TNIP3: variants seen among roughly 807,000 people sequenced by gnomAD.
TNIP3 encodes the protein TNFAIP3-interacting protein 3.
A neutral mutation model predicts 54.1 loss-of-function variants in TNIP3; 34 were observed. The ratio of observed to expected loss-of-function variants is 0.63; its 90% CI spans 0.48 to 0.84. The LOEUF (loss-of-function observed/expected upper bound fraction) is 0.84, where lower values mean the gene tolerates loss of function less well. Ranked by LOEUF, TNIP3 falls within the 40% of genes least tolerant of loss-of-function variation. The probability of loss-of-function intolerance (pLI) is 0.00; values close to 1 mark genes in which losing one functional copy is unlikely to be tolerated. For missense variants in TNIP3, 366 were observed against 387.6 expected (o/e 0.94, Z 0.47); for synonymous variants, 134 against 136.8 (o/e 0.98, Z 0.14).
intron 2 of TNIP3, among the ~76,000 whole-genome samples, chr4:121,202,798 A>G (rs1725965606): frequency 6.6e-6 from 1 of 152,198 alleles, no homozygotes; most frequent in African/African-American, 2.4e-5. Context: ...AAAAGAAGAT[A>G]TAAAAATGAC....
chr4:121,134,956 C>T (rs2148791658), intron 10 of TNIP3, among the ~76,000 whole-genome samples: 1 of 152,312 alleles, frequency 6.6e-6, no homozygotes, highest in East Asian at 1.9e-4. Context: ...AGCCTGAAGG[C>T]TGTCGAAAGA....
upstream of TNIP3, among the ~76,000 whole-genome samples, chr4:121,219,076 T>C (rs113566174): frequency 0.059 from 8,908 of 152,134 alleles, 385 homozygotes; most frequent in South Asian, 0.22. Flanking sequence ...GGTGTGCACC[T>C]GTAATCCCAG....
exon 3 of TNIP3, chr4:121,182,726 G>T (rs774165746): frequency 6.5e-7 from 1 of 1,534,016 alleles, no homozygotes; most frequent in African/African-American, 1.4e-5. Flanking sequence ...GGGGTGAACC[G>T]TTTTGGATGA....
At chr4:121,146,274 A>G (rs1729425416) in intron 7 of TNIP3, among the ~76,000 whole-genome samples, 2 of 152,214 alleles carry the variant, frequency 1.3e-5, no homozygotes, top group Admixed American at 1.3e-4. Flanking sequence ...GAAGAAAATG[A>G]TGACTGTTTT....
chr4:121,185,052 T>C (rs1034371381), intron 2 of TNIP3, among the ~76,000 whole-genome samples: 1 of 152,240 alleles, frequency 6.6e-6, no homozygotes, highest in Non-Finnish European at 1.5e-5. Flanking sequence ...GTCACAAGAC[T>C]TTCTGGTCCT....
intron 2 of TNIP3, among the ~76,000 whole-genome samples, chr4:121,191,080 G>T (rs892394882): frequency 6.6e-6 from 1 of 152,026 alleles, no homozygotes; most frequent in Non-Finnish European, 1.5e-5. Flanking sequence ...TGTTTTTGTT[G>T]TTTTTGTTTT....
At chr4:121,171,760 T>C (rs766171767) in intron 3 of TNIP3, among the ~76,000 whole-genome samples, 1 of 152,136 alleles carries the variant, frequency 6.6e-6, no homozygotes, top group Non-Finnish European at 1.5e-5. Context: ...AGATGGAGTC[T>C]CACACTGTCA....
intron 3 of TNIP3, 132 bp downstream of exon 3, chr4:121,158,555 C>T: frequency 1.4e-6 from 1 of 736,370 alleles, no homozygotes; most frequent in Non-Finnish European, 2.4e-6. Flanking sequence ...CACTTAGCAC[C>T]CTTCCCGTCA....
rs370701814 is a variant in TNIP3 at position 121,195,705 on chromosome 4, A to G, written c.69-12909T>C. Among the ~76,000 whole-genome samples the G allele has an allele frequency of 7.2e-5, 11 of 152,378 alleles. No homozygotes were observed. In the East Asian group the frequency reaches 1.9e-3, roughly 27 times the overall value. ...GCAAATCTAGTATTTGTAGTAATGC[A>G]GCTATACAAAGGCTAGAAGACAAAT... On this transcript the variant is annotated intron_variant, in intron 2 of 12. Coordinates refer to the TNIP3 transcript ENST00000507879.
chr4:121,187,641 G>C (rs1291433722), intron 2 of TNIP3, among the ~76,000 whole-genome samples: 1 of 152,192 alleles, frequency 6.6e-6, no homozygotes, highest in Non-Finnish European at 1.5e-5. Context: ...AACAACTATA[G>C]GTCCCTCCAA....
At chr4:121,133,654 G>A (rs1230467717) in intron 10 of TNIP3, among the ~76,000 whole-genome samples, 1 of 152,148 alleles carries the variant, frequency 6.6e-6, no homozygotes, top group African/African-American at 2.4e-5. Context: ...GAGAGGCTGT[G>A]GCCAATGAGA....
chr4:121,212,624 T>C (rs971685696), intron 2 of TNIP3, among the ~76,000 whole-genome samples: 2 of 152,222 alleles, frequency 1.3e-5, no homozygotes, highest in Non-Finnish European at 2.9e-5. Context: ...GCTTGTTTAG[T>C]GAAAAGAAAA....
chr4:121,154,518 A>G (rs1310274731), intron 5 of TNIP3, 33 bp downstream of exon 5: 1 of 1,611,188 alleles, frequency 6.2e-7, no homozygotes. Flanking sequence ...GGGACTTCTC[A>G]TTTTAATCTC....
chr4:121,207,893 ATG>A (rs1282986650), intron 2 of TNIP3, among the ~76,000 whole-genome samples: 1 of 152,166 alleles, frequency 6.6e-6, no homozygotes, highest in Non-Finnish European at 1.5e-5. Context: ...CATAATTCCC[ATG>A]TGTTATGGGA....
intron 3 of TNIP3, among the ~76,000 whole-genome samples, chr4:121,158,415 A>G (rs1346208024): frequency 6.6e-6 from 1 of 152,202 alleles, no homozygotes; most frequent in Non-Finnish European, 1.5e-5. Context: ...ATACTCTGTG[A>G]GCCACGATAA....
intron 7 of TNIP3, among the ~76,000 whole-genome samples, chr4:121,146,185 G>T (rs1394557926): frequency 6.6e-6 from 1 of 151,714 alleles, no homozygotes; most frequent in Non-Finnish European, 1.5e-5. Context: ...TTTTTTCCAT[G>T]TAAAATTAAG....
chr4:121,182,933 A>G (rs1724799131), intron 2 of TNIP3: 2 of 855,844 alleles, frequency 2.3e-6, no homozygotes, highest in African/African-American at 1.7e-5. Flanking sequence ...CTCTAATCTC[A>G]TTATGTTTTC....
chr4:121,144,947 G>T (rs1729343252), intron 7 of TNIP3, among the ~76,000 whole-genome samples: 1 of 152,172 alleles, frequency 6.6e-6, no homozygotes, highest in South Asian at 2.1e-4. Flanking sequence ...TGGAATATTA[G>T]AGCAGGCAGG....
intron 3 of TNIP3, among the ~76,000 whole-genome samples, chr4:121,170,306 G>T (rs370822659): frequency 1.1e-4 from 16 of 152,250 alleles, no homozygotes; most frequent in African/African-American, 2.9e-4. Context: ...CATTTTTATT[G>T]AATGAGTCCG....
Sources: allele counts gnomAD v4.1 joint callset (sites outside exome capture counted in the v4.1 genomes callset), GRCh38; gene constraint gnomAD v4.1.1; transcripts MANE v1.5; gene names NCBI Gene and HGNC (gene_info 2026-07-23, HGNC 2026-07-21).